Variants in CFAP47 observed in about 807,000 individuals in gnomAD.
CFAP47 encodes cilia- and flagella-associated protein 47.
Under a neutral mutation model 148.1 loss-of-function variants are expected in CFAP47, and 29 were observed. That is an observed-to-expected ratio of 0.20 (90% CI 0.15 to 0.27). The LOEUF is 0.27. Ranked by LOEUF, CFAP47 falls within the 10% of genes least tolerant of loss-of-function variation. The pLI, the probability that CFAP47 is intolerant of heterozygous loss-of-function variation, is 1.00. For missense variants in CFAP47, 1,872 were observed against 1,697.5 expected, an observed-to-expected ratio of 1.10 and a Z score of -1.81; for synonymous variants, 664 against 577.3, an observed-to-expected ratio of 1.15 and a Z score of -2.15.
At chrX:36,210,629 C>T (rs1237258409) in intron 45 of CFAP47, among the ~76,000 whole-genome samples, 2 of 112,067 alleles carry the variant, frequency 1.8e-5, no homozygotes, top group African/African-American at 3.2e-5. Flanking sequence ...ATATGATTTG[C>T]AAGTATTTTC....
At chrX:36,119,044 C>T (rs1370953891) in intron 33 of CFAP47, among the ~76,000 whole-genome samples, 1 of 111,237 alleles carries the variant, frequency 9.0e-6, no homozygotes, top group Non-Finnish European at 1.9e-5. Context: ...TTTTCTTTAC[C>T]AATTTGGATG....
chrX:36,375,595 T>C (rs1200988530), intron 62 of CFAP47, among the ~76,000 whole-genome samples: 2 of 112,584 alleles, frequency 1.8e-5, no homozygotes, highest in Non-Finnish European at 3.7e-5. Context: ...ATCTGGATGA[T>C]CTATCCATTG....
intron 62 of CFAP47, 114 bp downstream of exon 62, chrX:36,367,241 A>G (rs782182737): frequency 1.6e-4 from 76 of 486,524 alleles, no homozygotes; most frequent in Non-Finnish European, 2.2e-4. Flanking sequence ...CCAGCGCAAC[A>G]TTGGTTCTCT....
chrX:36,035,303 G>A (rs1200399330), intron 23 of CFAP47, among the ~76,000 whole-genome samples: 1 of 111,382 alleles, frequency 9.0e-6, no homozygotes, highest in Non-Finnish European at 1.9e-5. Context: ...AGTTACTGAC[G>A]TCAATTTCTC....
intron 44 of CFAP47, among the ~76,000 whole-genome samples, chrX:36,203,734 TAC>T (rs1940007581): frequency 8.9e-6 from 1 of 112,078 alleles, no homozygotes; most frequent in African/African-American, 3.2e-5. Context: ...TTGCTTCACT[TAC>T]ACTTAGAGAC....
chrX:36,355,345 T>C (rs1349627895), intron 60 of CFAP47, among the ~76,000 whole-genome samples: 1 of 111,738 alleles, frequency 8.9e-6, no homozygotes, highest in Non-Finnish European at 1.9e-5. Context: ...AATTATCATC[T>C]ATTATCTAGC....
At chrX:36,284,089 CA>C in intron 50 of CFAP47, among the ~76,000 whole-genome samples, 1 of 111,981 alleles carries the variant, frequency 8.9e-6, no homozygotes, top group East Asian at 2.8e-4. Flanking sequence ...TGGGAGAAGT[CA>C]CATTTAAATG....
intron 33 of CFAP47, among the ~76,000 whole-genome samples, chrX:36,125,405 C>T (rs777898782): frequency 7.2e-5 from 8 of 110,917 alleles, no homozygotes; most frequent in Non-Finnish European, 1.1e-4. Context: ...ATGTTTATCA[C>T]TCACAATACA....
At chrX:36,263,976 T>C (rs1186789832) in intron 49 of CFAP47, among the ~76,000 whole-genome samples, 4 of 111,567 alleles carry the variant, frequency 3.6e-5, no homozygotes, top group African/African-American at 1.3e-4. Flanking sequence ...AGTTAGCACG[T>C]GATGAATGCT....
intron 49 of CFAP47, among the ~76,000 whole-genome samples, chrX:36,275,469 C>A (rs1941006133): frequency 9.5e-6 from 1 of 104,732 alleles, no homozygotes; most frequent in Non-Finnish European, 1.9e-5. Context: ...TTCCTACATT[C>A]TATTACTGTG....
intron 22 of CFAP47, among the ~76,000 whole-genome samples, chrX:36,023,978 G>T (rs908698099): frequency 1.8e-5 from 2 of 112,015 alleles, no homozygotes; most frequent in Admixed American, 9.4e-5. Context: ...TACCTAAGGC[G>T]CAAGACAAAG....
chrX:36,349,631 C>A (rs1330333218), intron 58 of CFAP47, among the ~76,000 whole-genome samples: 1 of 111,751 alleles, frequency 8.9e-6, no homozygotes, highest in Non-Finnish European at 1.9e-5. Flanking sequence ...TGGACAAATG[C>A]CCCCTTTCTT....
intron 49 of CFAP47, among the ~76,000 whole-genome samples, chrX:36,257,742 A>T (rs1178344426): frequency 1.3e-4 from 14 of 111,980 alleles, no homozygotes; most frequent in African/African-American, 4.5e-4. Context: ...ATTTGCACAC[A>T]GTATGTACTT....
chrX:36,117,062 A>G (rs1176879164), intron 33 of CFAP47, among the ~76,000 whole-genome samples: 1 of 112,023 alleles, frequency 8.9e-6, no homozygotes, highest in African/African-American at 3.2e-5. Flanking sequence ...AGTTCCATCT[A>G]TGTTTTAGTA....
chrX:36,279,466 A>C (rs1312088957), intron 49 of CFAP47, among the ~76,000 whole-genome samples: 1 of 111,996 alleles, frequency 8.9e-6, no homozygotes, highest in African/African-American at 3.2e-5. Flanking sequence ...TAATTCAACT[A>C]AACAGTATTT....
At chrX:36,331,377 A>G (rs1556014079) in intron 57 of CFAP47, among the ~76,000 whole-genome samples, 1 of 110,644 alleles carries the variant, frequency 9.0e-6, no homozygotes, top group Non-Finnish European at 1.9e-5. Flanking sequence ...TTCTTTAGTT[A>G]TATTATCTTC....
chrX:36,314,981 A>G (rs781959893), intron 56 of CFAP47, among the ~76,000 whole-genome samples: 1 of 111,854 alleles, frequency 8.9e-6, no homozygotes, highest in African/African-American at 3.2e-5. Context: ...TAACAGTGGA[A>G]AAGTCCATGA....
At chrX:36,321,884 C>G (rs1365437999) in intron 57 of CFAP47, among the ~76,000 whole-genome samples, 1 of 111,598 alleles carries the variant, frequency 9.0e-6, no homozygotes, top group Non-Finnish European at 1.9e-5. Context: ...AACATTTCTT[C>G]CATTGATTCT....
chrX:36,345,327 G>C (rs1174025221), intron 57 of CFAP47, among the ~76,000 whole-genome samples: 1 of 111,551 alleles, frequency 9.0e-6, no homozygotes, highest in Admixed American at 9.5e-5. Context: ...ATGCGGTACA[G>C]GGTCGGGGGA....
Sources: allele counts gnomAD v4.1 joint callset (sites outside exome capture counted in the v4.1 genomes callset), GRCh38; gene constraint gnomAD v4.1.1; transcripts MANE v1.5; gene names NCBI Gene and HGNC (gene_info 2026-07-23, HGNC 2026-07-21).